The following SMAD1 variants were observed in gnomAD, a reference collection of about 807,000 sequenced individuals.
SMAD1 encodes the protein SMAD family member 1, also known as MAD, mothers against decapentaplegic homolog 1.
A neutral mutation model predicts 41.6 loss-of-function variants in SMAD1; 6 were observed. The observed-to-expected ratio is 0.14, with a 90% CI of 0.08 to 0.28. SMAD1 has a LOEUF of 0.28. Ranked by LOEUF, SMAD1 falls within the 10% of genes least tolerant of loss-of-function variation. SMAD1 has a pLI of 1.00. For missense variants in SMAD1, 379 were observed against 582.6 expected, an observed-to-expected ratio of 0.65 and a Z score of 3.60; for synonymous variants, 206 against 203.2, an observed-to-expected ratio of 1.01 and a Z score of -0.12.
At chr4:145,528,174 G>A (rs1275135625) in intron 2 of SMAD1, among the ~76,000 whole-genome samples, 2 of 151,052 alleles carry the variant, frequency 1.3e-5, no homozygotes, top group South Asian at 2.1e-4. Context: ...CACGATCTTG[G>A]CCCACTGCAA....
chr4:145,490,020 T>A (rs1357857883), intron 1 of SMAD1, among the ~76,000 whole-genome samples: 2 of 152,118 alleles, frequency 1.3e-5, no homozygotes, highest in African/African-American at 2.4e-5. Flanking sequence ...AAATGTACAG[T>A]TCAGGGTGAA....
chr4:145,546,532 A>G, intron 4 of SMAD1, 171 bp from the exon 5 acceptor site: 2 of 605,632 alleles, frequency 3.3e-6, no homozygotes, highest in South Asian at 2.1e-5. Context: ...GGAGAGTGTC[A>G]TATTAAGAAG....
intron 2 of SMAD1, among the ~76,000 whole-genome samples, chr4:145,523,297 ACT>A (rs1730854420): frequency 6.6e-6 from 1 of 152,134 alleles, no homozygotes; most frequent in Admixed American, 6.5e-5. Context: ...GCTGCAGCTA[ACT>A]CTTACACACC....
At chr4:145,531,206 C>G (rs1056388668) in intron 2 of SMAD1, among the ~76,000 whole-genome samples, 2 of 152,106 alleles carry the variant, frequency 1.3e-5, no homozygotes, top group Non-Finnish European at 1.5e-5. Flanking sequence ...GTAAAGTTTC[C>G]CTGACATATG....
chr4:145,499,945 G>T (rs560327467), intron 1 of SMAD1, among the ~76,000 whole-genome samples: 9 of 152,000 alleles, frequency 5.9e-5, no homozygotes, highest in Non-Finnish European at 1.3e-4. Flanking sequence ...AAAAAATCTC[G>T]CTCAGTCTTA....
intron 2 of SMAD1, among the ~76,000 whole-genome samples, chr4:145,529,287 G>A (rs189642619): frequency 1.2e-3 from 181 of 151,852 alleles, no homozygotes; most frequent in Non-Finnish European, 2.3e-3. Context: ...AACAACTCTC[G>A]AAGTCTCTAA....
At chr4:145,485,070 T>C (rs1043866120) in intron 1 of SMAD1, among the ~76,000 whole-genome samples, 1 of 152,178 alleles carries the variant, frequency 6.6e-6, no homozygotes, top group African/African-American at 2.4e-5. Flanking sequence ...TTTGAAATTT[T>C]ATTATTCTAT....
chr4:145,529,845 G>C (rs1731226661), intron 2 of SMAD1, among the ~76,000 whole-genome samples: 1 of 152,172 alleles, frequency 6.6e-6, no homozygotes, highest in African/African-American at 2.4e-5. Context: ...TTGTCTTCCT[G>C]TACCTAGGCT....
chr4:145,498,256 A>G (rs1288113447), intron 1 of SMAD1, among the ~76,000 whole-genome samples: 3 of 152,220 alleles, frequency 2.0e-5, no homozygotes, highest in Admixed American at 2.0e-4. Context: ...ATTTTTTGAA[A>G]TGGAATTTTT....
intron 1 of SMAD1, among the ~76,000 whole-genome samples, chr4:145,508,397 ACAT>A (rs1202351297): frequency 6.6e-6 from 1 of 152,140 alleles, no homozygotes; most frequent in Non-Finnish European, 1.5e-5. Flanking sequence ...ATAGCTGTCT[ACAT>A]AACTTTGGAC....
chr4:145,543,202 G>A (rs765478003), intron 4 of SMAD1, among the ~76,000 whole-genome samples: 1 of 152,100 alleles, frequency 6.6e-6, no homozygotes, highest in Non-Finnish European at 1.5e-5. Context: ...CCTGACCTCA[G>A]GTGATCCGCC....
chr4:145,493,253 A>G (rs1478219909), intron 1 of SMAD1, among the ~76,000 whole-genome samples: 1 of 152,150 alleles, frequency 6.6e-6, no homozygotes. Context: ...ATCGGTCTTA[A>G]TTTTATCAGA....
rs182618731 is a variant in SMAD1 at position 145,533,125 on chromosome 4, G to A, written c.401-6679G>A. Among the ~76,000 whole-genome samples, 19 of 152,308 alleles carry A rather than the reference G, an allele frequency of 1.2e-4. 1 individual carries two copies. The highest frequency in any genetic ancestry group is 4.1e-4 in the South Asian group (2 of 4,822). On this transcript the variant is annotated intron_variant, in intron 2 of 6. Transcript: ENST00000302085. The stretch of plus-strand genomic sequence containing the variant: ...GGGCCTTGTTATTTTAGAGCAGCAC[G>A]TGTGTGTAGGCTTAACCCAGCCTGA...
At chr4:145,494,741 T>A (rs1728971921) in intron 1 of SMAD1, among the ~76,000 whole-genome samples, 2 of 152,210 alleles carry the variant, frequency 1.3e-5, no homozygotes, top group African/African-American at 4.8e-5. Flanking sequence ...GTTTTTAGAA[T>A]TACATCAGGA....
At chr4:145,495,756 C>G (rs577798906) in intron 1 of SMAD1, among the ~76,000 whole-genome samples, 117 of 145,836 alleles carry the variant, frequency 8.0e-4, no homozygotes, top group African/African-American at 2.9e-3. Context: ...GCTGGGACTA[C>G]AGGCATGCAC....
chr4:145,519,772 C>A (rs1417881352), intron 2 of SMAD1, among the ~76,000 whole-genome samples: 2 of 152,070 alleles, frequency 1.3e-5, no homozygotes, highest in Non-Finnish European at 2.9e-5. Flanking sequence ...AGGTTTGTAC[C>A]CTTTGACCAG....
In SMAD1 at chr4:145,515,134, C is replaced by CTGTGTGTGTG. The variant is rs377610507; in HGVS notation, c.400+155_400+164dup. 1,058 of 535,592 alleles carry CTGTGTGTGTG rather than the reference C, an allele frequency of 2.0e-3. 1 individual carries two copies. The highest frequency in any genetic ancestry group is 5.3e-3 in the African/African-American group (247 of 46,952). 33.2% of individuals were successfully genotyped at this position (535,592 alleles called of 1,614,324 possible). A position where few individuals can be genotyped will look rare whatever the true frequency, so the allele number is the denominator to read the frequency against. ...TGTAATTTAAAAATATTTGGGGAAA[C>CTGTGTGTGTG]TGTGTGTGTGTGTGTGTGTGTGTGT... On this transcript the variant is annotated intron_variant, in intron 2 of 6. Coordinates refer to ENST00000302085, the MANE Select transcript of SMAD1 (RefSeq NM_005900.3).
chr4:145,500,007 A>G (rs954624650), intron 1 of SMAD1, among the ~76,000 whole-genome samples: 2 of 152,010 alleles, frequency 1.3e-5, no homozygotes, highest in Admixed American at 6.6e-5. Flanking sequence ...CAATTCTCCA[A>G]CCTTACAGTT....
chr4:145,499,243 T>C (rs928265908), intron 1 of SMAD1, among the ~76,000 whole-genome samples: 1 of 152,240 alleles, frequency 6.6e-6, no homozygotes, highest in Non-Finnish European at 1.5e-5. Flanking sequence ...AGGACTGATA[T>C]GGCACCACAA....
Sources: allele counts gnomAD v4.1 joint callset (sites outside exome capture counted in the v4.1 genomes callset), GRCh38; gene constraint gnomAD v4.1.1; transcripts MANE v1.5; gene names NCBI Gene and HGNC (gene_info 2026-07-23, HGNC 2026-07-21).